The following CAPN6 variants were observed in gnomAD, a reference collection of about 807,000 sequenced individuals.
CAPN6 encodes the protein calpain 6, also known as calpain-6.
CAPN6 carries 16 observed loss-of-function variants against 46.0 expected under a neutral mutation model. The observed-to-expected ratio is 0.35, with a 90% confidence interval of 0.24 to 0.53. The LOEUF is 0.53. Ranked by LOEUF, CAPN6 falls within the 20% of genes least tolerant of loss-of-function variation. The pLI, the probability that CAPN6 is intolerant of heterozygous loss-of-function variation, is 0.94. For missense variants in CAPN6, 461 were observed against 498.0 expected, an observed-to-expected ratio of 0.93 and a Z score of 0.71; for synonymous variants, 206 against 172.8, an observed-to-expected ratio of 1.19 and a Z score of -1.51.
intron 1 of CAPN6, among the ~76,000 whole-genome samples, chrX:111,270,155 C>T (rs935634621): frequency 8.9e-5 from 10 of 111,860 alleles, no homozygotes; most frequent in African/African-American, 3.2e-4. Context: ...ACAATCATCA[C>T]CCCACACACC....
At chrX:111,250,839 C>A in intron 8 of CAPN6, 78 bp downstream of exon 8, 1 of 924,210 alleles carries the variant, frequency 1.1e-6, no homozygotes, top group Non-Finnish European at 1.5e-6. Context: ...TAAAGAAATA[C>A]TCCAGAGATG....
chrX:111,251,460 A>G, intron 6 of CAPN6, 89 bp downstream of exon 6: 1 of 920,630 alleles, frequency 1.1e-6, no homozygotes, highest in Admixed American at 2.4e-5. Context: ...GTCACTGAGC[A>G]TTGACAGCAC....
Position 111,267,463 on chromosome X carries a change from G to T in CAPN6, c.-16+2908C>A, listed in dbSNP as rs1346177478. Among the ~76,000 whole-genome samples the T allele has an allele frequency of 3.6e-5, 4 of 111,865 alleles. No individual in the cohort carries two copies. The Admixed American group carries it at 3.8e-4, about 11-fold the overall frequency. On this transcript the variant is annotated intron_variant, in intron 1 of 12. Coordinates refer to ENST00000324068, the MANE Select transcript of CAPN6 (RefSeq NM_014289.4). ...AAAGTTGAGAATTGCCAGGGAAGTTGAGGGAGACTGCCACGTAGAATACAA... is the reference window on the plus strand; with the variant it reads ...AAAGTTGAGAATTGCCAGGGAAGTTTAGGGAGACTGCCACGTAGAATACAA...
intron 2 of CAPN6, among the ~76,000 whole-genome samples, chrX:111,259,138 A>G (rs2094985984): frequency 8.9e-6 from 1 of 112,581 alleles, no homozygotes; most frequent in Non-Finnish European, 1.9e-5. Context: ...ACAACTTTAA[A>G]TTTACTAAAA....
At position 111,254,293 on chromosome X, in the gene CAPN6, A is replaced by G. The variant is rs2094982045; in HGVS notation, c.276T>C (p.Val92=). ...PMVSAFSCLA[V]QESHWTKTIP... is the part of the protein sequence containing the mutation. ...ATACCTTTGTCCAATGAGACTCCTG[A>G]ACAGCCAAACAGGAAAATGCAGAAA... Residue 92 remains valine (V), a synonymous_variant, in exon 3 of 13, where the codon GTT becomes GTC. Transcript: ENST00000324068. 8.3e-7 allele frequency: 1 copy of G among 1,206,130 alleles called. No individual in the cohort carries two copies. The highest frequency in any genetic ancestry group is 1.8e-5 in the South Asian group (1 of 56,390).
At chrX:111,270,081 C>T (rs1367468617) in intron 1 of CAPN6, among the ~76,000 whole-genome samples, 2 of 111,805 alleles carry the variant, frequency 1.8e-5, no homozygotes, top group African/African-American at 6.5e-5. Flanking sequence ...CACATGCACG[C>T]GTGTGTGCAC....
chrX:111,252,181 T>C, intron 5 of CAPN6, 126 bp downstream of exon 5: 1 of 523,506 alleles, frequency 1.9e-6, no homozygotes, highest in Non-Finnish European at 3.0e-6. Flanking sequence ...ATGTGTATTT[T>C]AGCTTTCCAA....
In CAPN6 at chrX:111,248,569, C is replaced by A; in HGVS notation, c.1484G>T (p.Arg495Met). 2.5e-6 allele frequency: 3 copies of A among 1,204,731 alleles called. No homozygotes were observed. The highest frequency in any genetic ancestry group is 3.4e-6 in the Non-Finnish European group (3 of 890,541). Reference protein sequence around the residue: ...RIFSEVPVQLRELTLDMPKMS... With the variant: ...RIFSEVPVQLMELTLDMPKMS... ...TGAGGGCTTGCGAAGGAAACTGAAC[C>A]TGAGCTGGACAGGCACTTCAGAGAA... Residue 495 changes from arginine to methionine, a missense_variant and splice_region_variant, in exon 10 of 13, where the codon AGG becomes ATG. Arg to Met is a moderately conservative substitution (Grantham distance 91). Coordinates refer to ENST00000324068, the MANE Select transcript of CAPN6 (RefSeq NM_014289.4).
chrX:111,263,779 C>T lies in CAPN6; in HGVS notation c.158G>A (p.Arg53His), dbSNP rs1312470390. The part of the protein sequence containing the change: ...RLLPGKVVWK[R>H]PQDICDDPHL... ...TGTAAAATAGAAAGTTACCTGGGGA[C>T]GTTTCCACACCACCTTTCCAGGAAG... The change falls in exon 2 of 13, where the codon CGT becomes CAT. Residue 53 changes from arginine to histidine, a missense_variant. Transcript: ENST00000324068. 4 of 1,201,916 alleles carry T rather than the reference C, an allele frequency of 3.3e-6. No homozygotes were observed. The highest frequency in any genetic ancestry group is 3.4e-6 in the Non-Finnish European group (3 of 891,258).
chrX:111,247,431 A>T lies in CAPN6; in HGVS notation c.1680T>A (p.His560Gln). 8.3e-7 allele frequency: 1 copy of T among 1,208,245 alleles called. No homozygotes were observed. The highest frequency in any genetic ancestry group is 1.1e-6 in the Non-Finnish European group (1 of 892,887). The change falls in exon 12 of 13, where the codon CAT (histidine) becomes CAA (glutamine). Residue 560 changes from histidine (H) to glutamine (Q), a missense_variant. Transcript: ENST00000324068. ...VRSPVQKNTV[H>Q]AIFDTQAIFY... The stretch of plus-strand genomic sequence containing the variant: ...AAATGGCCTGGGTGTCAAAAATGGC[A>T]TGAACTGTATTCTTCTGGACAGGAG...
chrX:111,255,236 A>G (rs1379734292), intron 2 of CAPN6, among the ~76,000 whole-genome samples: 1 of 112,402 alleles, frequency 8.9e-6, no homozygotes, highest in Non-Finnish European at 1.9e-5. Flanking sequence ...AGCATAATTC[A>G]TGTCTAAAGG....
At position 111,263,883 on chromosome X, in the gene CAPN6, C is replaced by T; in HGVS notation, c.54G>A (p.Gln18=). Residue 18 remains glutamine (Q), a synonymous_variant, in exon 2 of 13, where the codon CAG becomes CAA. Transcript: ENST00000324068. ...FKNQKYQELK[Q]ECIKDSRLFC... is the part of the protein sequence containing the mutation. ...AAAGTCTGCTGTCTTTGATGCATTC[C>T]TGCTTCAGTTCCTGGTATTTCTGGT... The T allele has an allele frequency of 8.3e-7, 1 of 1,206,563 alleles. No individual in the cohort carries two copies. Among genetic ancestry groups the T allele is most frequent in the Non-Finnish European group, 1.1e-6 (1 of 892,282 alleles).
At chrX:111,257,467 G>A (rs915177891) in intron 2 of CAPN6, among the ~76,000 whole-genome samples, 2 of 112,096 alleles carry the variant, frequency 1.8e-5, no homozygotes, top group African/African-American at 3.2e-5. Context: ...CCTTTATTAA[G>A]CCCTATCTTC....
chrX:111,262,742 A>G (rs2088485522), intron 2 of CAPN6, among the ~76,000 whole-genome samples: 2 of 112,078 alleles, frequency 1.8e-5, no homozygotes, highest in Admixed American at 1.9e-4. Flanking sequence ...ATTGTTTTAT[A>G]CACTGAGCTC....
Position 111,251,251 on chromosome X carries a change from C to G in CAPN6, c.929G>C (p.Arg310Pro). 1 of 1,208,114 alleles carries G rather than the reference C, an allele frequency of 8.3e-7. No homozygotes were observed. The highest frequency in any genetic ancestry group is 1.1e-6 in the Non-Finnish European group (1 of 894,328). Residue 310 changes from arginine to proline, a missense_variant, in exon 7 of 13, where the codon CGC becomes CCC. Coordinates refer to ENST00000324068, the MANE Select transcript of CAPN6 (RefSeq NM_014289.4). Reference protein sequence around the residue: ...EEWQQLTASDRKNLGLVMSDD... With the variant: ...EEWQQLTASDPKNLGLVMSDD... ...AGACATAACAAGCCCCAGGTTCTTG[C>G]GATCTGATGCAGTCAGTTGCTGCCA... is the stretch of plus-strand genomic sequence containing the variant.
chrX:111,265,671 C>T (rs2094991259), intron 1 of CAPN6, among the ~76,000 whole-genome samples: 1 of 112,057 alleles, frequency 8.9e-6, no homozygotes. Flanking sequence ...CACTACTGCG[C>T]CTCTTGCTTT....
At chrX:111,263,562 T>C (rs1020755376) in intron 2 of CAPN6, among the ~76,000 whole-genome samples, 4 of 111,453 alleles carry the variant, frequency 3.6e-5, no homozygotes, top group Non-Finnish European at 7.5e-5. Flanking sequence ...ACAATGTATA[T>C]GTATATCAAA....
At chrX:111,254,195 C>T (rs17879807) in intron 3 of CAPN6, 77 bp downstream of exon 3, 20,489 of 1,087,256 alleles carry the variant, frequency 0.019, 193 homozygotes, top group Non-Finnish European at 0.022. Context: ...GGAAGTTATG[C>T]GCTGATTTTT....
At position 111,253,226 on chromosome X, in the gene CAPN6, C is replaced by T. The variant is rs1214758298; in HGVS notation, c.298-10G>A. Reference sequence around the variant, plus strand: ...TATGGTTGGGAATTGTCTAGAAATGCAAGAACATTTAATCAAGTGTTATTC... The same window carrying T: ...TATGGTTGGGAATTGTCTAGAAATGTAAGAACATTTAATCAAGTGTTATTC... On this transcript the variant is annotated splice_polypyrimidine_tract_variant and intron_variant, in intron 3 of 12. Coordinates refer to ENST00000324068, the MANE Select transcript of CAPN6 (RefSeq NM_014289.4). The T allele has an allele frequency of 5.1e-6, 6 of 1,166,339 alleles. No individual in the cohort carries two copies. In the Admixed American group the frequency reaches 1.1e-4, roughly 21 times the overall value.
Sources: gnomAD v4.1 joint callset for allele counts (sites outside exome capture counted in the v4.1 genomes callset) on GRCh38, gnomAD v4.1.1 for gene constraint, MANE v1.5 for transcripts, NCBI Gene and HGNC (gene_info 2026-07-23, HGNC 2026-07-21) for gene names.